Variants in MADD observed in about 807,000 individuals in gnomAD.
MADD encodes the protein MAP kinase activating death domain.
MADD carries 109 observed loss-of-function variants against 176.7 expected under a neutral mutation model. The observed-to-expected ratio is 0.62, with a 90% CI of 0.53 to 0.72. MADD has a LOEUF of 0.72. Ranked by LOEUF, MADD falls within the 30% of genes least tolerant of loss-of-function variation. MADD has a pLI of 0.00. For synonymous variants in MADD, 771 were observed against 771.3 expected, an observed-to-expected ratio of 1.00 and a Z score of 0.01; for missense variants, 1,914 against 2,045.5, an observed-to-expected ratio of 0.94 and a Z score of 1.24.
At chr11:47,290,656 A>G (rs572894421) in exon 19 of MADD, 1 of 1,614,088 alleles carries the variant, frequency 6.2e-7, no homozygotes, top group Non-Finnish European at 8.5e-7. Flanking sequence ...TAAATACCCC[A>G]GTTGGCAAGG....
chr11:47,276,650 C>T (rs2291119), intron 4 of MADD, 82 bp from the exon 5 acceptor site: 437,815 of 1,538,026 alleles, frequency 0.28, 64,826 homozygotes, highest in Admixed American at 0.36. Context: ...GAAGTGGAAA[C>T]CAAGTTGTAA....
rs373990398 is a variant in MADD at position 47,283,818 on chromosome 11, C to G, written c.1863-360C>G. Among the ~76,000 whole-genome samples, 9 of 152,304 alleles carry G rather than the reference C, an allele frequency of 5.9e-5. No homozygotes were observed. The East Asian group carries it at 1.2e-3, about 20-fold the overall frequency. On this transcript the variant is annotated intron_variant, in intron 10 of 32. Transcript: ENST00000402192. ...AAACTCATGCCTTCAAGCAATTCGC[C>G]TGCCTCGGCCTCCCAAAGTGCTAGG...
At chr11:47,283,855 G>A (rs1007088907) in intron 10 of MADD, among the ~76,000 whole-genome samples, 16 of 152,188 alleles carry the variant, frequency 1.1e-4, no homozygotes, top group South Asian at 2.1e-4. Context: ...TTACAGGCGC[G>A]AGCCACTGCA....
At chr11:47,304,894 T>C (rs561399669) in intron 22 of MADD, among the ~76,000 whole-genome samples, 13 of 152,312 alleles carry the variant, frequency 8.5e-5, no homozygotes, top group African/African-American at 3.1e-4. Flanking sequence ...GTGGCTTTCA[T>C]AGAGAAAGAC....
At chr11:47,304,089 TC>T (rs1565466098) in intron 22 of MADD, among the ~76,000 whole-genome samples, 2 of 152,190 alleles carry the variant, frequency 1.3e-5, no homozygotes, top group African/African-American at 4.8e-5. Context: ...CTTAATGAGA[TC>T]CCCTAAGTGT....
In MADD at chr11:47,329,621, T is replaced by C. The variant is rs551553398; in HGVS notation, c.*471T>C. 1.1e-3 allele frequency: 171 copies of C among 157,552 alleles called. 1 individual carries two copies. The South Asian group carries it at 0.015, about 14-fold the overall frequency. 9.8% of individuals were successfully genotyped at this position (157,552 alleles called of 1,614,324 possible). On this transcript the variant is annotated 3_prime_UTR_variant, in exon 33 of 33. Transcript: ENST00000402192. The stretch of plus-strand genomic sequence containing the variant: ...AAGGGCACAGAGAGGAAGGGAAGAA[T>C]TGGGGGGCAGCCGGAGTGAGTGGCA...
In MADD at chr11:47,309,398, A is replaced by G. The variant is rs926573766; in HGVS notation, c.3869A>G (p.Asp1290Gly). 2.5e-6 allele frequency: 4 copies of G among 1,614,068 alleles called. No homozygotes were observed. The African/African-American group carries it at 5.3e-5, about 22-fold the overall frequency. Residue 1290 changes from aspartate (D) to glycine (G), a missense_variant, in exon 24 of 33, where the codon GAC (aspartate) becomes GGC (glycine). Asp to Gly is a moderately conservative substitution (Grantham distance 94, BLOSUM62 -1). Transcript: ENST00000402192. ...GACCAGGGTCCCCAGGAAATGATCGACAGGTATGGGGCTTAGGAAACCATT... is the reference window on the plus strand; with the variant it reads ...GACCAGGGTCCCCAGGAAATGATCGGCAGGTATGGGGCTTAGGAAACCATT...
At position 47,286,506 on chromosome 11, in the gene MADD, G is replaced by A. The variant is rs1421311153; in HGVS notation, c.2625G>A (p.Glu875=). ...CACTGCCCACCAAAGGTGCCCGAGA[G>A]AAGGCCACGCCCTTCCCCAGTCTGA... The change falls in exon 15 of 33, where the codon GAG becomes GAA. Residue 875 remains glutamate (E), a synonymous_variant. Coordinates refer to ENST00000402192, the Ensembl canonical transcript of MADD. The A allele has an allele frequency of 1.9e-6, 3 of 1,613,944 alleles. No individual in the cohort carries two copies. In the African/African-American group the frequency reaches 4.0e-5, roughly 22 times the overall value.
intron 15 of MADD, among the ~76,000 whole-genome samples, chr11:47,287,791 T>A (rs2061828728): frequency 1.4e-5 from 2 of 142,966 alleles, no homozygotes; most frequent in African/African-American, 2.6e-5. Context: ...TATTTTTTTT[T>A]TTTTTTTTTT....
At position 47,290,008 on chromosome 11, in the gene MADD, G is replaced by A. The variant is rs1359533118; in HGVS notation, c.2898G>A (p.Met966Ile). The stretch of plus-strand genomic sequence containing the variant: ...TTGTCCTGAGCAAGCTGAACCGCAT[G>A]GTGCAGTCAGAGGACGATGCCCGGC... The change falls in exon 17 of 33, where the codon ATG (methionine) becomes ATA (isoleucine). Residue 966 changes from methionine (M) to isoleucine (I), a missense_variant. Coordinates refer to ENST00000402192, the Ensembl canonical transcript of MADD. The A allele has an allele frequency of 1.9e-6, 3 of 1,614,194 alleles. No homozygotes were observed. In the Admixed American group the frequency reaches 5.0e-5, roughly 27 times the overall value.
chr11:47,290,048 G>A, exon 17 of MADD: 1 of 1,614,150 alleles, frequency 6.2e-7, no homozygotes. Flanking sequence ...CATCATCCCG[G>A]ATGTGGTCAG....
chr11:47,288,187 G>A (rs1696676546), intron 15 of MADD, among the ~76,000 whole-genome samples: 1 of 152,184 alleles, frequency 6.6e-6, no homozygotes, highest in Non-Finnish European at 1.5e-5. Flanking sequence ...CTACTTGTTA[G>A]GCAGAGGCAG....
chr11:47,276,844 G>T (rs1215353400), exon 5 of MADD: 1 of 1,614,142 alleles, frequency 6.2e-7, no homozygotes, highest in Non-Finnish European at 8.5e-7. Context: ...CTACCCACCT[G>T]CATGGCATCA....
rs780035409 is a variant in MADD at position 47,295,556 on chromosome 11, C to T, written c.3463C>T (p.Gln1155Ter). 1 of 1,613,932 alleles carries T rather than the reference C, an allele frequency of 6.2e-7. No homozygotes were observed. Among genetic ancestry groups the T allele is most frequent in the Non-Finnish European group, 8.5e-7 (1 of 1,180,030 alleles). ...AGCTGTTATGATCCGCAGCTCAAGT[C>T]AGGATTCTGAAGTTAGCACCGTGGT... Residue 1155 changes from glutamine to a stop codon, truncating the protein, a stop_gained, in exon 21 of 33, where the codon CAG (glutamine) becomes TAG (stop). Transcript: ENST00000402192. LOFTEE classifies it high-confidence loss of function.
chr11:47,274,075 A>G (rs1298114518), intron 2 of MADD, 99 bp downstream of exon 2: 1 of 1,128,774 alleles, frequency 8.9e-7, no homozygotes, highest in South Asian at 1.3e-5. Flanking sequence ...TGCATAGCTC[A>G]TCTTCTCCTG....
chr11:47,317,418 C>A (rs1285172570), intron 27 of MADD, among the ~76,000 whole-genome samples: 2 of 152,118 alleles, frequency 1.3e-5, no homozygotes, highest in Non-Finnish European at 2.9e-5. Context: ...CACGTAATAC[C>A]CCCTTTGCCA....
At chr11:47,270,428 C>T (rs1455133521) in intron 1 of MADD, among the ~76,000 whole-genome samples, 182 bp downstream of exon 1, 1 of 149,768 alleles carries the variant, frequency 6.7e-6, no homozygotes, top group Non-Finnish European at 1.5e-5. Context: ...ATGGGGGCGC[C>T]CCGGGCAGAG....
chr11:47,285,134 A>G, exon 13 of MADD: 1 of 1,614,130 alleles, frequency 6.2e-7, no homozygotes. Context: ...CCTGAGGAAG[A>G]TGAGGATGAG....
intron 10 of MADD, among the ~76,000 whole-genome samples, chr11:47,283,922 G>C (rs549127941): frequency 2.0e-5 from 3 of 152,364 alleles, no homozygotes; most frequent in Admixed American, 2.0e-4. Context: ...TTGCCAGGCT[G>C]GTCTCAAACT....
Sources: gnomAD v4.1 joint callset for allele counts (sites outside exome capture counted in the v4.1 genomes callset) on GRCh38, gnomAD v4.1.1 for gene constraint, MANE v1.5 for transcripts, NCBI Gene and HGNC (gene_info 2026-07-23, HGNC 2026-07-21) for gene names.